Variants in FBXL18 observed in about 807,000 individuals in gnomAD.
FBXL18 encodes the protein F-box/LRR-repeat protein 18.
Under a neutral mutation model 46.0 loss-of-function variants are expected in FBXL18, and 36 were observed. The observed-to-expected ratio is 0.78, with a 90% CI of 0.60 to 1.03. The LOEUF is 1.03. Among genes scored for constraint, FBXL18 ranks in the 50% least tolerant of loss-of-function variants. The pLI is 0.00. For synonymous variants in FBXL18, 557 were observed against 465.3 expected (o/e 1.20, Z -2.54); for missense variants, 977 against 1,004.1 (o/e 0.97, Z 0.36).
intron 4 of FBXL18, among the ~76,000 whole-genome samples, chr7:5,463,429 G>C (rs1019294820): frequency 1.3e-5 from 2 of 151,876 alleles, no homozygotes; most frequent in Admixed American, 1.3e-4. Flanking sequence ...ACATCAGCCT[G>C]GGCAACATAA....
At chr7:5,492,255 A>G (rs1278700569) in intron 3 of FBXL18, among the ~76,000 whole-genome samples, 2 of 150,610 alleles carry the variant, frequency 1.3e-5, no homozygotes, top group African/African-American at 4.9e-5. Flanking sequence ...GCAGAAGGAC[A>G]GGCCATGTCT....
intron 4 of FBXL18, among the ~76,000 whole-genome samples, chr7:5,464,465 G>T (rs554342922): frequency 1.3e-5 from 2 of 151,896 alleles, no homozygotes; most frequent in East Asian, 1.9e-4. Context: ...AGGAGACAGA[G>T]CAAGACTCCA....
chr7:5,467,574 T>A (rs1026938251), intron 4 of FBXL18, among the ~76,000 whole-genome samples: 2 of 150,144 alleles, frequency 1.3e-5, no homozygotes, highest in Admixed American at 1.3e-4. Context: ...TCAGGGAACT[T>A]TGCAAATAAA....
chr7:5,474,301 G>T (rs1182154450), downstream of FBXL18, among the ~76,000 whole-genome samples: 2 of 139,982 alleles, frequency 1.4e-5, no homozygotes, highest in Non-Finnish European at 3.0e-5. Flanking sequence ...CCACCGAACT[G>T]TGCAGTTCGT....
chr7:5,505,587 C>A lies in FBXL18; in HGVS notation c.62G>T (p.Gly21Val), dbSNP rs1369953990. The stretch of plus-strand genomic sequence containing the variant: ...TAGGAGGTGGACCCCGTCTGCCATC[C>A]CGGCTGCTGCAGGGTGCATGTCATC... The part of the protein sequence containing the change: ...DDDDMHPAAA[G>V]MADGVHLLGF... The change falls in exon 2 of 5, where the codon GGG becomes GTG. Residue 21 changes from glycine to valine, a missense_variant. Physicochemically the swap from Gly to Val is moderately radical, Grantham distance 109. Coordinates refer to ENST00000382368, the MANE Select transcript of FBXL18 (RefSeq NM_024963.6). 10 of 1,613,912 alleles carry A rather than the reference C, an allele frequency of 6.2e-6. No homozygotes were observed. Among genetic ancestry groups the A allele is most frequent in the Non-Finnish European group, 7.6e-6 (9 of 1,179,988 alleles).
At chr7:5,498,016 T>C (rs1422993080) in intron 3 of FBXL18, among the ~76,000 whole-genome samples, 3 of 152,124 alleles carry the variant, frequency 2.0e-5, no homozygotes, top group African/African-American at 7.2e-5. Flanking sequence ...ACCCAGTCCC[T>C]GGTAGTACTG....
rs757023382 is a variant in FBXL18 at position 5,501,242 on chromosome 7, G to A, written c.1027C>T (p.Arg343Trp). ...QQVINGGKDLRSLASLNLSGC... is the reference protein window; with the variant it reads ...QQVINGGKDLWSLASLNLSGC... The stretch of plus-strand genomic sequence containing the variant: ...CTGAGGTTCAAGCTGGCCAGGCTCC[G>A]CAGGTCCTTCCCGCCGTTGATGACC... The change falls in exon 3 of 5, where the codon CGG (arginine) becomes TGG (tryptophan). Residue 343 changes from arginine to tryptophan, a missense_variant. Arg to Trp is a moderately radical substitution (Grantham distance 101). Coordinates refer to ENST00000382368, the MANE Select transcript of FBXL18 (RefSeq NM_024963.6). 5.6e-6 allele frequency: 9 copies of A among 1,613,152 alleles called. No individual in the cohort carries two copies. Among genetic ancestry groups the A allele is most frequent in the Non-Finnish European group, 5.1e-6 (6 of 1,179,814 alleles).
At chr7:5,470,710 TGTCCCCTTCCCGG>T (rs1783414903) in intron 4 of FBXL18, among the ~76,000 whole-genome samples, 1 of 1,328 alleles carries the variant, frequency 7.5e-4, no homozygotes, top group Non-Finnish European at 1.3e-3. Flanking sequence ...GGGGGGGAGA[TGTCCCCTTCCCGG>T]GGGGGAGATG....
chr7:5,467,270 G>A (rs1158381225), intron 4 of FBXL18, among the ~76,000 whole-genome samples: 2 of 152,260 alleles, frequency 1.3e-5, no homozygotes, highest in East Asian at 3.9e-4. Context: ...AGAATGGCCT[G>A]AACCTGGGAG....
At chr7:5,490,618 A>G (rs1783896560) in intron 4 of FBXL18, among the ~76,000 whole-genome samples, 1 of 152,228 alleles carries the variant, frequency 6.6e-6, no homozygotes, top group African/African-American at 2.4e-5. Context: ...TGCCCAAGTA[A>G]GCACTGCTTC....
At chr7:5,505,758 C>T (rs1784379777) in intron 1 of FBXL18, 128 bp from the exon 2 acceptor site, 1 of 700,610 alleles carries the variant, frequency 1.4e-6, no homozygotes, top group Non-Finnish European at 2.4e-6. Context: ...CTAAAACTCT[C>T]AACTGAATGA....
chr7:5,468,339 G>C (rs181145181), intron 4 of FBXL18, among the ~76,000 whole-genome samples: 151 of 152,118 alleles, frequency 9.9e-4, no homozygotes, highest in Middle Eastern at 3.4e-3. Context: ...GGATGGCCTC[G>C]ATCTCCTGAC....
At chr7:5,475,519 G>C (rs1783494970), downstream of FBXL18, among the ~76,000 whole-genome samples, 1 of 152,136 alleles carries the variant, frequency 6.6e-6, no homozygotes, top group Non-Finnish European at 1.5e-5. This position sits in a 1 kb window ranked among gnomAD's most constrained non-coding sequence, Gnocchi z 4.2. Flanking sequence ...CTCCCTGCCA[G>C]GCCCATCCTG....
chr7:5,471,707 T>G (rs546783487), downstream of FBXL18, among the ~76,000 whole-genome samples: 2 of 152,326 alleles, frequency 1.3e-5, no homozygotes, highest in South Asian at 4.1e-4. Flanking sequence ...GCTCGCCACA[T>G]GGACAAAGGC....
chr7:5,512,959 T>C (rs1217804613), intron 1 of FBXL18, among the ~76,000 whole-genome samples: 1 of 152,076 alleles, frequency 6.6e-6, no homozygotes, highest in Admixed American at 6.6e-5. Context: ...CACCCAACGA[T>C]CTGAGACCTG....
intron 4 of FBXL18, among the ~76,000 whole-genome samples, chr7:5,463,706 T>TATATATATATATATATATATATATATA: frequency 1.7e-5 from 1 of 59,464 alleles, no homozygotes; most frequent in Non-Finnish European, 3.0e-5. Flanking sequence ...ATATATATAT[T>TATATATATATATATATATATATATATA]TATTTATTTA....
chr7:5,469,408 T>C (rs1047363404), intron 4 of FBXL18, among the ~76,000 whole-genome samples: 2 of 152,160 alleles, frequency 1.3e-5, no homozygotes, highest in African/African-American at 4.8e-5. Flanking sequence ...CAAGACTGTC[T>C]CAAAAAAAAT....
At chr7:5,482,072 G>T in intron 4 of FBXL18, 141 bp from the exon 5 acceptor site, 1 of 1,009,162 alleles carries the variant, frequency 9.9e-7, no homozygotes, top group Non-Finnish European at 1.4e-6. Context: ...ATGCCTGCCA[G>T]AGTCACCCTC....
Position 5,484,294 on chromosome 7 carries a change from C to T in FBXL18, c.2001-2363G>A, listed in dbSNP as rs558019685. Among the ~76,000 whole-genome samples, 5 of 151,876 alleles carry T rather than the reference C, an allele frequency of 3.3e-5. No homozygotes were observed. The East Asian group carries it at 5.8e-4, about 18-fold the overall frequency. On this transcript the variant is annotated intron_variant, in intron 4 of 4. Coordinates refer to ENST00000382368, the MANE Select transcript of FBXL18 (RefSeq NM_024963.6). ...CATCCTGGCTAACACGGTGAAACCC[C>T]GTCTCTACTAAAAATACAAAAAAAA... is the stretch of plus-strand genomic sequence containing the variant.
Sources: gnomAD v4.1 joint callset for allele counts (sites outside exome capture counted in the v4.1 genomes callset) on GRCh38, gnomAD v4.1.1 for gene constraint, Gnocchi (gnomAD v3.1) non-coding constraint, MANE v1.5 for transcripts, NCBI Gene and HGNC (gene_info 2026-07-23, HGNC 2026-07-21) for gene names.